The following DCUN1D5 variants were observed in gnomAD, a reference collection of about 807,000 sequenced individuals.
The protein encoded by DCUN1D5 is DCN1-like protein 5.
Under a neutral mutation model 38.3 loss-of-function variants are expected in DCUN1D5, and 10 were observed. The observed-to-expected ratio is 0.26, with a 90% CI of 0.16 to 0.44. DCUN1D5 has a LOEUF of 0.44. DCUN1D5 is among the 20% of genes least tolerant of loss of function. DCUN1D5 has a pLI of 1.00. For synonymous variants in DCUN1D5, 93 were observed against 90.9 expected, an observed-to-expected ratio of 1.02 and a Z score of -0.13; for missense variants, 148 against 275.3, an observed-to-expected ratio of 0.54 and a Z score of 3.27.
Position 103,091,777 on chromosome 11 carries a change from G to C in DCUN1D5, c.86+10C>G. On this transcript the variant is annotated intron_variant, in intron 1 of 7. Coordinates refer to ENST00000260247, the MANE Select transcript of DCUN1D5 (RefSeq NM_032299.4). The surrounding 1 kb of genome is among the most constrained non-coding windows in gnomAD (Gnocchi z 4.3). Reference sequence around the variant, plus strand: ...AGGAGGGAAGCTTGAAGGGTGGGGGGAGATGGTACCTGGAGATTTTACACT... The same window carrying C: ...AGGAGGGAAGCTTGAAGGGTGGGGGCAGATGGTACCTGGAGATTTTACACT... The C allele has an allele frequency of 6.2e-7, 1 of 1,614,004 alleles. No homozygotes were observed. Among genetic ancestry groups the C allele is most frequent in the Non-Finnish European group, 8.5e-7 (1 of 1,179,896 alleles).
rs1862728984 is a variant in DCUN1D5, at chr11:103,087,095, G to A, written c.178+2132C>T. On this transcript the variant is annotated intron_variant, in intron 2 of 7. Transcript: ENST00000260247. The surrounding 1 kb of genome is among the most constrained non-coding windows in gnomAD (Gnocchi z 4.1). ...AATCCCACCACTCTGGGAAGCTGAG[G>A]CAATTAGATCACTTGAGCCCAGGAG... Among the ~76,000 whole-genome samples, 1 of 151,782 alleles carries A rather than the reference G, an allele frequency of 6.6e-6. No homozygotes were observed. The highest frequency in any genetic ancestry group is 2.1e-4 in the South Asian group (1 of 4,816).
rs2134612407 is a variant in DCUN1D5, at chr11:103,071,455, T to G, written c.342-4888A>C. Among the ~76,000 whole-genome samples, 1 of 151,586 alleles carries G rather than the reference T, an allele frequency of 6.6e-6. No individual in the cohort carries two copies. The highest frequency in any genetic ancestry group is 1.9e-4 in the East Asian group (1 of 5,174). On this transcript the variant is annotated intron_variant, in intron 4 of 7. Transcript: ENST00000260247. This position sits in a 1 kb window ranked among gnomAD's most constrained non-coding sequence, Gnocchi z 4.1. ...AACTCTCTACACACACAAATTTTTC[T>G]ACACATATAAAGATTTTTATACAGG...
intron 4 of DCUN1D5, among the ~76,000 whole-genome samples, chr11:103,074,543 C>T (rs1485979376): frequency 6.6e-6 from 1 of 152,100 alleles, no homozygotes; most frequent in Admixed American, 6.6e-5. Context: ...GTAGCTGGGA[C>T]TATGGGCGTG....
In DCUN1D5 at chr11:103,077,417, T is replaced by A. The variant is rs907447104; in HGVS notation, c.341+5331A>T. ...CTCCGAAATAAAAAGAAATGCATAC[T>A]TAACTAGCGTACTATGGAAAGCAAG... On this transcript the variant is annotated intron_variant, in intron 4 of 7. Transcript: ENST00000260247. This position sits in a 1 kb window ranked among gnomAD's most constrained non-coding sequence, Gnocchi z 4.3. Among the ~76,000 whole-genome samples, 1 of 152,164 alleles carries A rather than the reference T, an allele frequency of 6.6e-6. No individual in the cohort carries two copies. The highest frequency in any genetic ancestry group is 1.9e-4 in the East Asian group (1 of 5,194).
In DCUN1D5 at chr11:103,061,564, T is replaced by C. The variant is rs1488362123; in HGVS notation, c.*795A>G. Among the ~76,000 whole-genome samples, 1 of 145,796 alleles carries C rather than the reference T, an allele frequency of 6.9e-6. No homozygotes were observed. The highest frequency in any genetic ancestry group is 1.5e-5 in the Non-Finnish European group (1 of 66,978). ...CTTCTTTTCCTATGTGTATCTTAAT[T>C]AAATCCATATCACAGCTAACGTTCT... On this transcript the variant is annotated 3_prime_UTR_variant, in exon 8 of 8. Coordinates refer to ENST00000260247, the MANE Select transcript of DCUN1D5 (RefSeq NM_032299.4).
chr11:103,068,670 C>T (rs777723799), intron 4 of DCUN1D5, among the ~76,000 whole-genome samples: 1 of 152,000 alleles, frequency 6.6e-6, no homozygotes, highest in Non-Finnish European at 1.5e-5. Context: ...ACAACAGACA[C>T]TGGGGTCTAC....
chr11:103,066,633 G>GTTATTTTATTTGA lies in DCUN1D5; in HGVS notation c.342-67_342-66insTCAAATAAAATAA. On this transcript the variant is annotated intron_variant, in intron 4 of 7. Coordinates refer to ENST00000260247, the MANE Select transcript of DCUN1D5 (RefSeq NM_032299.4). This position sits in a 1 kb window ranked among gnomAD's most constrained non-coding sequence, Gnocchi z 4.7. ...AAATCAAATAAAAGTATCACTGGGG[G>GTTATTTTATTTGA]TTAGACGTAATGCATTAAGAAAAAA... 1.0e-6 allele frequency: 1 copy of GTTATTTTATTTGA among 973,668 alleles called. No individual in the cohort carries two copies. The highest frequency in any genetic ancestry group is 1.6e-5 in the African/African-American group (1 of 60,682). 60.3% of individuals were successfully genotyped at this position (973,668 alleles called of 1,614,324 possible).
chr11:103,084,530 T>C (rs1239625435), intron 2 of DCUN1D5, among the ~76,000 whole-genome samples: 1 of 152,188 alleles, frequency 6.6e-6, no homozygotes, highest in African/African-American at 2.4e-5. Context: ...AAGGGGGTGA[T>C]TAATTATAGG....
chr11:103,052,898 T>C lies in DCUN1D5; in HGVS notation c.*9461A>G, dbSNP rs1176170962. On this transcript the variant is annotated 3_prime_UTR_variant, in exon 8 of 8. Coordinates refer to ENST00000260247, the MANE Select transcript of DCUN1D5 (RefSeq NM_032299.4). The stretch of plus-strand genomic sequence containing the variant: ...AGGTGCAAATGTGCAAGTAGTGGTT[T>C]TTAAAACCTGCTATTCAGAGAGCAA... 1 of 152,200 alleles carries C rather than the reference T, an allele frequency of 6.6e-6. No homozygotes were observed. Among genetic ancestry groups the C allele is most frequent in the East Asian group, 1.9e-4 (1 of 5,202 alleles). 9.4% of individuals were successfully genotyped at this position (152,200 alleles called of 1,614,324 possible).
At position 103,091,886 on chromosome 11, in the gene DCUN1D5, C is replaced by G; in HGVS notation, c.-14G>C. ...CTTCACCGGCATCTTCCGCCCTCCC[C>G]GGCAGGGTGGGCAGGGGAGCCGGGG... On this transcript the variant is annotated 5_prime_UTR_variant, in exon 1 of 8. Coordinates refer to ENST00000260247, the MANE Select transcript of DCUN1D5 (RefSeq NM_032299.4). The surrounding 1 kb of genome is among the most constrained non-coding windows in gnomAD (Gnocchi z 4.3). 1 of 1,610,558 alleles carries G rather than the reference C, an allele frequency of 6.2e-7. No individual in the cohort carries two copies. The highest frequency in any genetic ancestry group is 8.5e-7 in the Non-Finnish European group (1 of 1,178,092).
In DCUN1D5 at chr11:103,057,934, C is replaced by G. The variant is rs541496806; in HGVS notation, c.*4425G>C. ...ATCTTAAAGCTCAGAAAGCCAAAAACACCCCAGAAGGATAAAACTTCTAAA... is the reference window on the plus strand; with the variant it reads ...ATCTTAAAGCTCAGAAAGCCAAAAAGACCCCAGAAGGATAAAACTTCTAAA... On this transcript the variant is annotated 3_prime_UTR_variant, in exon 8 of 8. Transcript: ENST00000260247. This position sits in a 1 kb window ranked among gnomAD's most constrained non-coding sequence, Gnocchi z 4.8. Among the ~76,000 whole-genome samples the G allele has an allele frequency of 5.3e-5, 8 of 152,186 alleles. No individual in the cohort carries two copies. Among genetic ancestry groups the G allele is most frequent in the Admixed American group, 5.2e-4 (8 of 15,272 alleles).
At chr11:103,075,983 T>C (rs1862398574) in intron 4 of DCUN1D5, among the ~76,000 whole-genome samples, 1 of 152,192 alleles carries the variant, frequency 6.6e-6, no homozygotes, top group Non-Finnish European at 1.5e-5. Flanking sequence ...GCAAAGCAAA[T>C]TTCTCAGATT....
At chr11:103,074,835 G>A (rs1862370440) in intron 4 of DCUN1D5, among the ~76,000 whole-genome samples, 1 of 152,168 alleles carries the variant, frequency 6.6e-6, no homozygotes, top group South Asian at 2.1e-4. Context: ...TAATCTTAAA[G>A]GGTCTGATTC....
chr11:103,084,333 T>C (rs746297860), intron 2 of DCUN1D5, among the ~76,000 whole-genome samples: 2 of 152,214 alleles, frequency 1.3e-5, no homozygotes, highest in African/African-American at 4.8e-5. Flanking sequence ...TCAGGTAAAT[T>C]TGACAGCACC....
rs1043814403 is a variant in DCUN1D5, at chr11:103,053,669, CAAAT to C, written c.*8686_*8689del. 11 of 151,572 alleles carry C rather than the reference CAAAT, an allele frequency of 7.3e-5. No homozygotes were observed. Among genetic ancestry groups the C allele is most frequent in the African/African-American group, 9.7e-5 (4 of 41,348 alleles). 9.4% of individuals were successfully genotyped at this position (151,572 alleles called of 1,614,324 possible). A position where few individuals can be genotyped will look rare whatever the true frequency, so the allele number is the denominator to read the frequency against. On this transcript the variant is annotated 3_prime_UTR_variant, in exon 8 of 8. Transcript: ENST00000260247. The surrounding 1 kb of genome is among the most constrained non-coding windows in gnomAD (Gnocchi z 4.8). Reference sequence around the variant, plus strand: ...TATATCATACTATCACATGTACCCCCAAATAAATACATCATGTATCAATGAATTT... The same window carrying C: ...TATATCATACTATCACATGTACCCCCAAATACATCATGTATCAATGAATTT...
At chr11:103,079,293 G>A (rs947915916) in intron 4 of DCUN1D5, among the ~76,000 whole-genome samples, 3 of 152,138 alleles carry the variant, frequency 2.0e-5, no homozygotes, top group Non-Finnish European at 4.4e-5. Context: ...AGGTTGGCTG[G>A]GTTACAGTAT....
rs1180079183 is a variant in DCUN1D5 at position 103,061,357 on chromosome 11, T to C, written c.*1002A>G. Among the ~76,000 whole-genome samples the C allele has an allele frequency of 6.6e-6, 1 of 152,132 alleles. No homozygotes were observed. The highest frequency in any genetic ancestry group is 1.5e-5 in the Non-Finnish European group (1 of 67,996). ...AGGAATGTACAAACAGGCCTGCTGC[T>C]AGTACAAAAGTGCCTTTTACATGAA... On this transcript the variant is annotated 3_prime_UTR_variant, in exon 8 of 8. Transcript: ENST00000260247.
rs17099900 is a variant in DCUN1D5, at chr11:103,078,095, G to A, written c.341+4653C>T. Among the ~76,000 whole-genome samples, 3,827 of 152,130 alleles carry A rather than the reference G, an allele frequency of 0.025. 181 individuals are homozygous for A. Among genetic ancestry groups the A allele is most frequent in the African/African-American group, 0.087 (3,622 of 41,466 alleles). ...CCATTCCTTTTACACTTCAAAGTCC[G>A]GGGCTCAATAGAGACTAGATTTACA... is the stretch of plus-strand genomic sequence containing the variant. On this transcript the variant is annotated intron_variant, in intron 4 of 7. Transcript: ENST00000260247. This position sits in a 1 kb window ranked among gnomAD's most constrained non-coding sequence, Gnocchi z 4.6.
Position 103,062,369 on chromosome 11 carries a change from T to C in DCUN1D5, c.704A>G (p.Gln235Arg). 1 of 1,613,642 alleles carries C rather than the reference T, an allele frequency of 6.2e-7. No homozygotes were observed. The highest frequency in any genetic ancestry group is 8.5e-7 in the Non-Finnish European group (1 of 1,179,640). ...TTCACATAGTTCTTGCTATGATGTC[T>C]GACGGACTTTTTGCCACTCAACAAA... ...DEFVEWQKVR[Q>R]TS Residue 235 changes from glutamine (Q) to arginine (R), a missense_variant, in exon 8 of 8, where the codon CAG (glutamine) becomes CGG (arginine). By Grantham distance (43) the Gln-to-Arg change is conservative. Transcript: ENST00000260247. The surrounding 1 kb of genome is among the most constrained non-coding windows in gnomAD (Gnocchi z 4.6).
Sources: gnomAD v4.1 joint callset for allele counts (sites outside exome capture counted in the v4.1 genomes callset) on GRCh38, gnomAD v4.1.1 for gene constraint, Gnocchi (gnomAD v3.1) non-coding constraint, MANE v1.5 for transcripts, NCBI Gene and HGNC (gene_info 2026-07-23, HGNC 2026-07-21) for gene names.